Variants in LRRCC1 observed in about 807,000 individuals in gnomAD.
LRRCC1 encodes the protein leucine-rich repeat and coiled-coil domain-containing protein 1.
A neutral mutation model predicts 126.0 loss-of-function variants in LRRCC1; 115 were observed. The observed-to-expected ratio is 0.91, with a 90% CI of 0.78 to 1.07. LRRCC1 has a LOEUF of 1.07. LRRCC1 is among the 50% of genes least tolerant of loss of function. The pLI is 0.00. For synonymous variants in LRRCC1, 400 were observed against 393.4 expected, an observed-to-expected ratio of 1.02 and a Z score of -0.20; for missense variants, 1,172 against 1,175.7, an observed-to-expected ratio of 1.00 and a Z score of 0.05.
rs747100918 is a variant in LRRCC1, at chr8:85,115,288, CT to C, written c.720+22del. On this transcript the variant is annotated intron_variant, in intron 5 of 18. Coordinates refer to ENST00000360375, the MANE Select transcript of LRRCC1 (RefSeq NM_033402.5). ...AAGTGAAGATGAGGTATAGTATTTA[CT>C]TTTTTTTTCCTAATATAAAAAATAC... 1.5e-4 allele frequency: 241 copies of C among 1,561,250 alleles called. No homozygotes were observed. Among genetic ancestry groups the C allele is most frequent in the African/African-American group, 6.6e-4 (48 of 72,508 alleles).
In LRRCC1 at chr8:85,145,534, T is replaced by G. The variant is rs778018687; in HGVS notation, c.*23T>G. The G allele has an allele frequency of 5.1e-6, 8 of 1,563,444 alleles. No individual in the cohort carries two copies. The highest frequency in any genetic ancestry group is 4.1e-5 in the African/African-American group (3 of 72,608). On this transcript the variant is annotated 3_prime_UTR_variant, in exon 19 of 19. Coordinates refer to ENST00000360375, the MANE Select transcript of LRRCC1 (RefSeq NM_033402.5). ...TGATGGTTCTGAGAATGAATTTAAT[T>G]GAAATAGACCAGCAGACCTATTGTA... is the stretch of plus-strand genomic sequence containing the variant.
chr8:85,127,997 T>C (rs1376803884), intron 9 of LRRCC1, among the ~76,000 whole-genome samples: 2 of 152,226 alleles, frequency 1.3e-5, no homozygotes, highest in Non-Finnish European at 2.9e-5. Context: ...GTGACAGATT[T>C]ATAGAGATCT....
rs759906959 is a variant in LRRCC1 at position 85,134,833 on chromosome 8, A to G, written c.1969-14A>G. 2.0e-6 allele frequency: 3 copies of G among 1,536,384 alleles called. No homozygotes were observed. Among genetic ancestry groups the G allele is most frequent in the African/African-American group, 1.4e-5 (1 of 70,608 alleles). ...TTGGAGAACTGCTATTTATAATACA[A>G]TTTTGGAATATAGGTTAAAGATGGT... is the stretch of plus-strand genomic sequence containing the variant. On this transcript the variant is annotated splice_polypyrimidine_tract_variant and intron_variant, in intron 12 of 18. Coordinates refer to ENST00000360375, the MANE Select transcript of LRRCC1 (RefSeq NM_033402.5).
intron 4 of LRRCC1, among the ~76,000 whole-genome samples, chr8:85,113,459 A>G (rs1162213193): frequency 6.6e-6 from 1 of 152,102 alleles, no homozygotes; most frequent in Admixed American, 6.6e-5. Flanking sequence ...CATTAAGAGG[A>G]AGAAAAGCAG....
chr8:85,132,403 T>C, intron 12 of LRRCC1, among the ~76,000 whole-genome samples: 1 of 96,954 alleles, frequency 1.0e-5, no homozygotes, highest in East Asian at 2.5e-4. Context: ...TTTTTTTTTT[T>C]GTTTCAGATA....
chr8:85,115,010 G>T, intron 4 of LRRCC1, 90 bp from the exon 5 acceptor site: 1 of 957,810 alleles, frequency 1.0e-6, no homozygotes, highest in Non-Finnish European at 1.5e-6. Flanking sequence ...TCCGGGTGAT[G>T]TATCTGGTAG....
intron 3 of LRRCC1, among the ~76,000 whole-genome samples, chr8:85,111,818 C>T (rs555704444): frequency 9.9e-5 from 15 of 151,240 alleles, no homozygotes; most frequent in African/African-American, 3.6e-4. Context: ...AGTTGAAACT[C>T]GCATACATTG....
chr8:85,129,865 AAATAGC>A (rs1810312705), intron 10 of LRRCC1, 48 bp from the exon 11 acceptor site: 1 of 1,347,098 alleles, frequency 7.4e-7, no homozygotes, highest in Non-Finnish European at 9.9e-7. Flanking sequence ...ACTGACATTA[AAATAGC>A]AGGGGAGACT....
At chr8:85,109,840 A>G in intron 2 of LRRCC1, 40 bp downstream of exon 2, 1 of 1,106,612 alleles carries the variant, frequency 9.0e-7, no homozygotes, top group Non-Finnish European at 1.3e-6. Flanking sequence ...GCGTAAGGAA[A>G]ATGATTTAGG....
At chr8:85,128,676 T>C (rs1195616675) in intron 9 of LRRCC1, among the ~76,000 whole-genome samples, 3 of 152,134 alleles carry the variant, frequency 2.0e-5, no homozygotes, top group Admixed American at 2.0e-4. Context: ...TCCTCATAAG[T>C]TTCTTAAGAT....
intron 17 of LRRCC1, among the ~76,000 whole-genome samples, 195 bp downstream of exon 17, chr8:85,138,670 T>C (rs914041605): frequency 3.3e-5 from 5 of 152,176 alleles, no homozygotes; most frequent in Admixed American, 1.3e-4. Flanking sequence ...AGGTTGACAT[T>C]TGATATATAT....
At chr8:85,141,653 C>A in intron 18 of LRRCC1, 136 bp downstream of exon 18, 2 of 640,318 alleles carry the variant, frequency 3.1e-6, no homozygotes, top group Non-Finnish European at 5.0e-6. Context: ...GTTACCAAAA[C>A]TATCCTAAAA....
chr8:85,143,919 G>A (rs940328077), intron 18 of LRRCC1, among the ~76,000 whole-genome samples: 7 of 152,016 alleles, frequency 4.6e-5, no homozygotes, highest in African/African-American at 1.7e-4. Context: ...ATTTAAATTG[G>A]GAGAAATATT....
chr8:85,120,729 T>C (rs1809485797), intron 6 of LRRCC1, among the ~76,000 whole-genome samples: 1 of 152,332 alleles, frequency 6.6e-6, no homozygotes, highest in Middle Eastern at 3.4e-3. Flanking sequence ...GACTAGCTTC[T>C]TTCACTTAGC....
intron 13 of LRRCC1, among the ~76,000 whole-genome samples, chr8:85,135,536 G>C (rs1299530791): frequency 2.6e-5 from 4 of 152,062 alleles, no homozygotes; most frequent in Non-Finnish European, 5.9e-5. Context: ...AAAATTTTGA[G>C]TATTACAGGT....
At chr8:85,129,024 C>T in intron 9 of LRRCC1, 151 bp from the exon 10 acceptor site, 1 of 613,032 alleles carries the variant, frequency 1.6e-6, no homozygotes, top group Non-Finnish European at 2.9e-6. Flanking sequence ...TACCCATATA[C>T]AGTCTAGCAC....
At chr8:85,118,081 T>C (rs1451041337) in intron 6 of LRRCC1, among the ~76,000 whole-genome samples, 8 of 152,246 alleles carry the variant, frequency 5.3e-5, no homozygotes, top group African/African-American at 1.9e-4. Context: ...TTGTCTACCA[T>C]ATATTATTTA....
intron 6 of LRRCC1, among the ~76,000 whole-genome samples, chr8:85,121,852 A>T (rs940768795): frequency 6.6e-6 from 1 of 152,230 alleles, no homozygotes; most frequent in African/African-American, 2.4e-5. Context: ...ATGTTTAAAC[A>T]TTATTTGTAT....
chr8:85,139,466 A>G (rs58809519), intron 17 of LRRCC1, among the ~76,000 whole-genome samples: 1 of 152,010 alleles, frequency 6.6e-6, no homozygotes, highest in Non-Finnish European at 1.5e-5. Context: ...GAGTTTCACC[A>G]TGTTGGCCAG....
Sources: allele counts gnomAD v4.1 joint callset (sites outside exome capture counted in the v4.1 genomes callset), GRCh38; gene constraint gnomAD v4.1.1; transcripts MANE v1.5; gene names NCBI Gene and HGNC (gene_info 2026-07-23, HGNC 2026-07-21).